The following MEOX2 variants were observed in gnomAD, a reference collection of about 807,000 sequenced individuals.
MEOX2 encodes mesenchyme homeobox 2, also known as homeobox protein MOX-2.
MEOX2 carries 11 observed loss-of-function variants against 27.0 expected under a neutral mutation model. That is an observed-to-expected ratio of 0.41 (90% CI 0.26 to 0.68). The LOEUF is 0.68. Ranked by LOEUF, MEOX2 falls within the 30% of genes least tolerant of loss-of-function variation. MEOX2 has a pLI of 0.33. For synonymous variants in MEOX2, 189 were observed against 155.4 expected (o/e 1.22, Z -1.61); for missense variants, 436 against 385.4 (o/e 1.13, Z -1.10).
chr7:15,614,810 G>A (rs1308324129), intron 2 of MEOX2, among the ~76,000 whole-genome samples: 2 of 151,958 alleles, frequency 1.3e-5, no homozygotes, highest in Non-Finnish European at 1.5e-5. Flanking sequence ...TTCAATTTCT[G>A]TAAATAGTGC....
intron 1 of MEOX2, among the ~76,000 whole-genome samples, chr7:15,657,303 C>T (rs553586157): frequency 9.9e-5 from 15 of 152,216 alleles, no homozygotes; most frequent in South Asian, 8.3e-4. Context: ...TTCTCCTCCC[C>T]GTCAGGAATT....
At position 15,679,485 on chromosome 7, in the gene MEOX2, A is replaced by G. The variant is rs567643625; in HGVS notation, c.517+6401T>C. The G allele has an allele frequency of 3.9e-5, 6 of 152,284 alleles. 1 individual carries two copies. The highest frequency in any genetic ancestry group is 1.4e-4 in the African/African-American group (6 of 41,582). 9.4% of individuals were successfully genotyped at this position (152,284 alleles called of 1,614,324 possible). A position where few individuals can be genotyped will look rare whatever the true frequency, so the allele number is the denominator to read the frequency against. On this transcript the variant is annotated intron_variant, in intron 1 of 2. Transcript: ENST00000262041. ...AACACAAACAGCAGAATACTTAAAT[A>G]CATTTGAAACATTCACATTGAATTG...
chr7:15,668,039 C>A (rs1782036413), intron 1 of MEOX2: 1 of 152,106 alleles, frequency 6.6e-6, no homozygotes, highest in Admixed American at 6.6e-5. Flanking sequence ...TTCTCACATC[C>A]CGAGTTTTCA....
chr7:15,645,521 G>A (rs1039880176), intron 1 of MEOX2, among the ~76,000 whole-genome samples: 1 of 152,048 alleles, frequency 6.6e-6, no homozygotes, highest in South Asian at 2.1e-4. Flanking sequence ...CTTTTAAGAT[G>A]GATGTTGGAA....
At chr7:15,657,390 T>G (rs1462246411) in intron 1 of MEOX2, among the ~76,000 whole-genome samples, 4 of 152,168 alleles carry the variant, frequency 2.6e-5, no homozygotes, top group Non-Finnish European at 5.9e-5. Flanking sequence ...TTCAATTTTC[T>G]TTTTATCATT....
chr7:15,666,878 C>T (rs1583782970), intron 1 of MEOX2, among the ~76,000 whole-genome samples: 1 of 144,560 alleles, frequency 6.9e-6, no homozygotes, highest in East Asian at 2.0e-4. Context: ...TTCCAGGAAC[C>T]CAAAAGCCAC....
chr7:15,614,339 A>C (rs545221035), intron 2 of MEOX2, among the ~76,000 whole-genome samples: 16 of 152,178 alleles, frequency 1.1e-4, no homozygotes, highest in African/African-American at 3.6e-4. Flanking sequence ...GCTTGAGCCC[A>C]AGTGGTTGAG....
At chr7:15,635,395 G>A (rs1435344856) in intron 1 of MEOX2, among the ~76,000 whole-genome samples, 2 of 151,926 alleles carry the variant, frequency 1.3e-5, no homozygotes, top group Non-Finnish European at 2.9e-5. Flanking sequence ...ACAGAATCTT[G>A]AGTACCAAAC....
rs796877939 is a variant in MEOX2 at position 15,686,569 on chromosome 7, G to T, written c.-167C>A. 2.0e-5 allele frequency: 13 copies of T among 657,562 alleles called. No individual in the cohort carries two copies. Among genetic ancestry groups the T allele is most frequent in the Middle Eastern group, 2.5e-4 (1 of 4,000 alleles). 40.7% of individuals were successfully genotyped at this position (657,562 alleles called of 1,614,324 possible). On this transcript the variant is annotated 5_prime_UTR_variant, in exon 1 of 3. Transcript: ENST00000262041. ...ATAATCCCGGTCCTGAGCCCCAGCG[G>T]CCAGTCTCCTTTACATATGAACAGT...
chr7:15,643,639 C>T (rs1366802983), intron 1 of MEOX2, among the ~76,000 whole-genome samples: 1 of 152,206 alleles, frequency 6.6e-6, no homozygotes, highest in Admixed American at 6.5e-5. Context: ...GCTTTCCAGA[C>T]TGTGGGACTC....
At position 15,686,418 on chromosome 7, in the gene MEOX2, G is replaced by A; in HGVS notation, c.-16C>T. On this transcript the variant is annotated 5_prime_UTR_variant, in exon 1 of 3. Coordinates refer to ENST00000262041, the MANE Select transcript of MEOX2 (RefSeq NM_005924.5). The stretch of plus-strand genomic sequence containing the variant: ...GGTGTTCCATAGCATGCAAGTTTCG[G>A]GTTCCAGGCAGAAGACTTCACGGCG... 6.4e-7 allele frequency: 1 copy of A among 1,555,380 alleles called. No homozygotes were observed. Among genetic ancestry groups the A allele is most frequent in the Non-Finnish European group, 8.7e-7 (1 of 1,148,792 alleles).
intron 1 of MEOX2, among the ~76,000 whole-genome samples, chr7:15,658,982 C>T (rs1159573374): frequency 6.6e-6 from 1 of 152,156 alleles, no homozygotes; most frequent in Non-Finnish European, 1.5e-5. Context: ...GTTCGTTTTA[C>T]ATATAATGTC....
At chr7:15,659,156 T>G (rs567270838) in intron 1 of MEOX2, among the ~76,000 whole-genome samples, 25 of 152,300 alleles carry the variant, frequency 1.6e-4, no homozygotes, top group African/African-American at 5.8e-4. Flanking sequence ...CATGCCAGCA[T>G]GTCTGGCTAT....
At chr7:15,613,864 A>G (rs560436244) in intron 2 of MEOX2, among the ~76,000 whole-genome samples, 83 of 152,042 alleles carry the variant, frequency 5.5e-4, no homozygotes, top group African/African-American at 2.0e-3. Context: ...TTCTATATGT[A>G]ATGCTGCTAT....
chr7:15,646,510 A>G (rs1385970197), intron 1 of MEOX2, among the ~76,000 whole-genome samples: 3 of 152,154 alleles, frequency 2.0e-5, no homozygotes, highest in Middle Eastern at 6.8e-3. Flanking sequence ...AGTCAGTAAA[A>G]TCCATGATAT....
chr7:15,641,455 T>C (rs1275002136), intron 1 of MEOX2, among the ~76,000 whole-genome samples: 1 of 152,128 alleles, frequency 6.6e-6, no homozygotes, highest in Non-Finnish European at 1.5e-5. Flanking sequence ...CTCTTTCCTT[T>C]TCTGTTTGCA....
At chr7:15,675,781 C>T (rs528335170) in intron 1 of MEOX2, among the ~76,000 whole-genome samples, 2 of 152,250 alleles carry the variant, frequency 1.3e-5, no homozygotes, top group South Asian at 4.1e-4. Flanking sequence ...TGGTTGATGC[C>T]GTTGGACCCT....
At position 15,686,361 on chromosome 7, in the gene MEOX2, G is replaced by A. The variant is rs1271881120; in HGVS notation, c.42C>T (p.Ala14=). The A allele has an allele frequency of 6.3e-7, 1 of 1,591,206 alleles. No homozygotes were observed. The highest frequency in any genetic ancestry group is 1.1e-5 in the South Asian group (1 of 87,802). Residue 14 remains alanine (A), a synonymous_variant, in exon 1 of 3, where the codon GCC becomes GCT. Coordinates refer to ENST00000262041, the MANE Select transcript of MEOX2 (RefSeq NM_005924.5). ...AGAACGGGTGCAAGCCTTGCGCCGT[G>A]GCGTGAGGGCTGCGCAGGCAGCCAA... ...PLFGCLRSPH[A]TAQGLHPFSQ... is the part of the protein sequence containing the mutation.
At chr7:15,620,365 A>T (rs558965308) in intron 2 of MEOX2, among the ~76,000 whole-genome samples, 35 of 152,330 alleles carry the variant, frequency 2.3e-4, no homozygotes, top group African/African-American at 6.7e-4. Flanking sequence ...AACTAAATGT[A>T]TACATTTGTA....
Sources: allele counts gnomAD v4.1 joint callset (sites outside exome capture counted in the v4.1 genomes callset), GRCh38; gene constraint gnomAD v4.1.1; transcripts MANE v1.5; gene names NCBI Gene and HGNC (gene_info 2026-07-23, HGNC 2026-07-21).